The following CRBN variants were observed in gnomAD, a reference collection of about 807,000 sequenced individuals.
CRBN encodes cereblon.
Under a neutral mutation model 62.2 loss-of-function variants are expected in CRBN, and 53 were observed. The ratio of observed to expected loss-of-function variants is 0.85; its 90% CI spans 0.68 to 1.07. The LOEUF is 1.07. Among genes scored for constraint, CRBN ranks in the 50% least tolerant of loss-of-function variants. The pLI is 0.00. For synonymous variants in CRBN, 208 were observed against 176.1 expected (o/e 1.18, Z -1.43); for missense variants, 616 against 531.1 (o/e 1.16, Z -1.57).
At chr3:3,157,328 TCAAAA>T (rs1311500443) in intron 5 of CRBN, among the ~76,000 whole-genome samples, 3 of 152,192 alleles carry the variant, frequency 2.0e-5, no homozygotes, top group Non-Finnish European at 2.9e-5. Flanking sequence ...CACATTTTTC[TCAAAA>T]CAAAACCTAC....
At position 3,151,045 on chromosome 3, in the gene CRBN, C is replaced by CCTAAGAAATTA; in HGVS notation, c.1149-11_1149-1dup (p.Tyr384AsnfsTer38). The CCTAAGAAATTA allele has an allele frequency of 6.2e-7, 1 of 1,613,596 alleles. No individual in the cohort carries two copies. The highest frequency in any genetic ancestry group is 8.5e-7 in the Non-Finnish European group (1 of 1,179,806). On this transcript the variant is annotated frameshift_variant and splice_region_variant. Transcript: ENST00000231948. LOFTEE classifies it high-confidence loss of function. Reference sequence around the variant, plus strand: ...TACACTGGGCAACAGTCCAGGCATACCTAAGAAATTAAGGAAAGATATCAG... The same window carrying CCTAAGAAATTA: ...TACACTGGGCAACAGTCCAGGCATACCTAAGAAATTACTAAGAAATTAAGGAAAGATATCAG...
chr3:3,154,712 TC>T, intron 7 of CRBN, 34 bp downstream of exon 7: 2 of 1,159,908 alleles, frequency 1.7e-6, no homozygotes, highest in Non-Finnish European at 2.6e-6. Flanking sequence ...TAGCAAGACA[TC>T]CCAGGCTCCA....
intron 10 of CRBN, among the ~76,000 whole-genome samples, chr3:3,152,199 G>T (rs997372768): frequency 6.7e-6 from 1 of 150,302 alleles, no homozygotes; most frequent in Non-Finnish European, 1.5e-5. Flanking sequence ...CACCCAGGCT[G>T]GACTGCAGTG....
rs1308957271 is a variant in CRBN, at chr3:3,173,068, A to ATTTG, written c.378-147_378-144dup. On this transcript the variant is annotated intron_variant, in intron 3 of 10. Coordinates refer to ENST00000231948, the MANE Select transcript of CRBN (RefSeq NM_016302.4). Reference sequence around the variant, plus strand: ...CTAGGATAATTTTATTTATTTATTTATTTGTTTGAGATGGAGTCTCGCTGC... The same window carrying ATTTG: ...CTAGGATAATTTTATTTATTTATTTATTTGTTTGTTTGAGATGGAGTCTCGCTGC... 8 of 715,136 alleles carry ATTTG rather than the reference A, an allele frequency of 1.1e-5. No individual in the cohort carries two copies. The African/African-American group carries it at 1.4e-4, about 13-fold the overall frequency. The allele number at this position is 715,136 out of a possible 1,614,324, so 44.3% of individuals were successfully genotyped here. A position where few individuals can be genotyped will look rare whatever the true frequency, so the allele number is the denominator to read the frequency against.
intron 6 of CRBN, 155 bp downstream of exon 6, chr3:3,156,064 A>C (rs144087550): frequency 0.024 from 16,430 of 681,502 alleles, 266 homozygotes; most frequent in African/African-American, 0.063. Flanking sequence ...TTGGCCTCCC[A>C]AAGTGCTGGG....
intron 6 of CRBN, 148 bp downstream of exon 6, chr3:3,156,071 T>C (rs914377663): frequency 4.2e-6 from 3 of 708,870 alleles, no homozygotes; most frequent in East Asian, 2.8e-5. Context: ...CCCAAAGTGC[T>C]GGGATTACAG....
rs1398978642 is a variant in CRBN at position 3,178,024 on chromosome 3, AAAAC to A, written c.67+1593_67+1596del. Reference sequence around the variant, plus strand: ...AAAACAAAACAAAACAAACAAAAAAAAAACAAACAAAAAACCACGCTGACTGTTC... The same window carrying A: ...AAAACAAAACAAAACAAACAAAAAAAAAACAAAAAACCACGCTGACTGTTC... On this transcript the variant is annotated intron_variant, in intron 1 of 10. Transcript: ENST00000231948. Among the ~76,000 whole-genome samples the A allele has an allele frequency of 5.3e-5, 8 of 152,242 alleles. No individual in the cohort carries two copies. In the East Asian group the frequency reaches 9.7e-4, roughly 18 times the overall value.
chr3:3,155,794 AAG>A (rs1488359812), intron 6 of CRBN: 1 of 160,898 alleles, frequency 6.2e-6, no homozygotes, highest in African/African-American at 2.4e-5. Flanking sequence ...TAAAACTCTA[AAG>A]AGTCTTGTGA....
intron 4 of CRBN, among the ~76,000 whole-genome samples, chr3:3,171,330 G>A (rs1432005507): frequency 6.6e-6 from 1 of 152,060 alleles, no homozygotes; most frequent in African/African-American, 2.4e-5. Context: ...TTTAAAAATG[G>A]AACTGTTAGC....
chr3:3,162,901 G>T (rs1222928844), intron 5 of CRBN, among the ~76,000 whole-genome samples: 1 of 152,148 alleles, frequency 6.6e-6, no homozygotes, highest in African/African-American at 2.4e-5. Flanking sequence ...ACTGAACCTT[G>T]TATCTGTCTA....
At chr3:3,149,953 C>CT (rs1184031317), downstream of CRBN, 6 of 152,190 alleles carry the variant, frequency 3.9e-5, no homozygotes, top group Admixed American at 6.5e-5. Context: ...GCAAAGCAGC[C>CT]TTTTTAGAAC....
At chr3:3,166,889 T>C (rs1197188329) in intron 5 of CRBN, among the ~76,000 whole-genome samples, 1 of 151,940 alleles carries the variant, frequency 6.6e-6, no homozygotes, top group East Asian at 1.9e-4. Context: ...AAAGGAATGA[T>C]TAATAGAGAA....
At chr3:3,173,172 C>G (rs896473518) in intron 3 of CRBN, among the ~76,000 whole-genome samples, 1 of 152,108 alleles carries the variant, frequency 6.6e-6, no homozygotes, top group African/African-American at 2.4e-5. Flanking sequence ...ATTCTCCTGC[C>G]CCAGCTGCCT....
At position 3,152,585 on chromosome 3, in the gene CRBN, A is replaced by G; in HGVS notation, c.1019T>C (p.Leu340Ser). 6.2e-7 allele frequency: 1 copy of G among 1,614,086 alleles called. No individual in the cohort carries two copies. Among genetic ancestry groups the G allele is most frequent in the South Asian group, 1.1e-5 (1 of 91,088 alleles). The change falls in exon 10 of 11, where the codon TTA becomes TCA. Residue 340 changes from leucine (L) to serine (S), a missense_variant and splice_region_variant. Coordinates refer to ENST00000231948, the MANE Select transcript of CRBN (RefSeq NM_016302.4). ...EITTKNEIFS[L>S]SLCGPMAAYV... ...AGCTGCCATCGGCCCACATAAGGAT[A>G]AACTAAAACAAAGAATCAACATGGA...
intron 9 of CRBN, 192 bp downstream of exon 9, chr3:3,153,232 C>T: frequency 1.8e-6 from 1 of 544,316 alleles, no homozygotes; most frequent in Admixed American, 3.3e-5. Context: ...TGAATAATCC[C>T]TGACATGCAT....
intron 5 of CRBN, 141 bp downstream of exon 5, chr3:3,167,493 T>A (rs1460193382): frequency 7.5e-6 from 6 of 802,818 alleles, no homozygotes; most frequent in Non-Finnish European, 9.9e-6. Flanking sequence ...TGTGCAATTT[T>A]TAGAGGATCA....
At position 3,150,717 on chromosome 3, in the gene CRBN, C is replaced by T; in HGVS notation, c.*148G>A. ...CTTAAAAGTTTCAAATACAGTTTCA[C>T]TTAGAAACTGCAACCCTCCAAGTAA... On this transcript the variant is annotated 3_prime_UTR_variant, in exon 11 of 11. Transcript: ENST00000231948. The T allele has an allele frequency of 1.3e-6, 1 of 783,592 alleles. No individual in the cohort carries two copies. Among genetic ancestry groups the T allele is most frequent in the South Asian group, 1.8e-5 (1 of 55,250 alleles). The allele number at this position is 783,592 out of a possible 1,614,324, so 48.5% of individuals were successfully genotyped here.
In CRBN at chr3:3,167,782, G is replaced by C; in HGVS notation, c.539C>G (p.Ala180Gly). Residue 180 changes from alanine to glycine, a missense_variant, in exon 5 of 11, where the codon GCT becomes GGT. Physicochemically the swap from Ala to Gly is moderately conservative, Grantham distance 60 (BLOSUM62 0). Transcript: ENST00000231948. ...LRTQSDGIQQ[A>G]KVQILPECVL... ...ACATTCGGGAAGAATTTGCACTTTA[G>C]CTTGCTGGATTCTAAAATAAAGAGA... 1.9e-6 allele frequency: 3 copies of C among 1,613,392 alleles called. No individual in the cohort carries two copies. Among genetic ancestry groups the C allele is most frequent in the Non-Finnish European group, 2.5e-6 (3 of 1,179,516 alleles).
chr3:3,159,218 T>A lies in CRBN; in HGVS notation c.688-2937A>T, dbSNP rs191840562. 1.2e-4 allele frequency among the ~76,000 whole-genome samples: 19 copies of A among 152,312 alleles called. No individual in the cohort carries two copies. In the East Asian group the frequency reaches 3.7e-3, roughly 29 times the overall value. ...CAGTGCCTAACATGTGTCAGGCTAT[T>A]TTTATACATTTAGGCTATGCCAGTG... On this transcript the variant is annotated intron_variant, in intron 5 of 10. Coordinates refer to ENST00000231948, the MANE Select transcript of CRBN (RefSeq NM_016302.4).
Sources: allele counts gnomAD v4.1 joint callset (sites outside exome capture counted in the v4.1 genomes callset), GRCh38; gene constraint gnomAD v4.1.1; transcripts MANE v1.5; gene names NCBI Gene and HGNC (gene_info 2026-07-23, HGNC 2026-07-21).